Variants in TOB1 observed in about 807,000 individuals in gnomAD.
The protein encoded by TOB1 is protein Tob1.
Under a neutral mutation model 22.9 loss-of-function variants are expected in TOB1, and 2 were observed. The ratio of observed to expected loss-of-function variants is 0.09; its 90% CI spans 0.04 to 0.28. The LOEUF is 0.28. Among genes scored for constraint, TOB1 ranks in the 10% least tolerant of loss-of-function variants. The probability of loss-of-function intolerance (pLI) is 1.00; values close to 1 mark genes in which losing one functional copy is unlikely to be tolerated. For synonymous variants in TOB1, 154 were observed against 150.6 expected (o/e 1.02, Z -0.17); for missense variants, 299 against 420.5 (o/e 0.71, Z 2.53).
intron 1 of TOB1, among the ~76,000 whole-genome samples, chr17:50,865,343 C>G (rs963272864): frequency 2.0e-5 from 3 of 152,200 alleles, no homozygotes; most frequent in East Asian, 1.9e-4. Context: ...GAGCGAAATT[C>G]AGGCTCGGTG....
Position 50,862,673 on chromosome 17 carries a change from TAGAAA to T in TOB1, c.*302_*306del. The T allele has an allele frequency of 4.2e-6, 1 of 237,830 alleles. No homozygotes were observed. The highest frequency in any genetic ancestry group is 5.3e-5 in the Admixed American group (1 of 18,926). 14.7% of individuals were successfully genotyped at this position (237,830 alleles called of 1,614,324 possible). ...TTTGTACTAAATTAAATTATACAAT[TAGAAA>T]AGACCAATAAACCCACTTATTAGTG... is the stretch of plus-strand genomic sequence containing the variant. On this transcript the variant is annotated 3_prime_UTR_variant, in exon 2 of 2. Transcript: ENST00000499247.
At chr17:50,864,283 G>T in intron 1 of TOB1, 120 bp from the exon 2 acceptor site, 1 of 425,114 alleles carries the variant, frequency 2.4e-6, no homozygotes, top group Non-Finnish European at 3.5e-6. Flanking sequence ...GTCTGCTAAG[G>T]ATAAAAAGAA....
At chr17:50,867,869 GCCGTACATGCCAGGCC>G (rs1972339407), upstream of TOB1, 1 of 152,190 alleles carries the variant, frequency 6.6e-6, no homozygotes, top group Admixed American at 6.5e-5. Flanking sequence ...GCACAAACCC[GCCGTACATGCCAGGCC>G]TAGAAGCTTT....
At position 50,862,973 on chromosome 17, in the gene TOB1, CTTTTTT is replaced by C. The variant is rs747184039; in HGVS notation, c.*1_*6del. 6.3e-7 allele frequency: 1 copy of C among 1,590,996 alleles called. No homozygotes were observed. Among genetic ancestry groups the C allele is most frequent in the Admixed American group, 1.8e-5 (1 of 55,612 alleles). ...CATTTTAACTTGTACGATACATTTTCTTTTTTTTAGTTAGCCATAACAGGCTGGAAT... is the reference window on the plus strand; with the variant it reads ...CATTTTAACTTGTACGATACATTTTCTTAGTTAGCCATAACAGGCTGGAAT... On this transcript the variant is annotated 3_prime_UTR_variant, in exon 2 of 2. Coordinates refer to ENST00000499247, the MANE Select transcript of TOB1 (RefSeq NM_005749.4).
chr17:50,865,789 C>G (rs1047210126), intron 1 of TOB1, among the ~76,000 whole-genome samples: 1 of 152,044 alleles, frequency 6.6e-6, no homozygotes. Flanking sequence ...GTCGCTCCTC[C>G]GGGCACCCCA....
Position 50,862,869 on chromosome 17 carries a change from G to T in TOB1, c.*111C>A. ...GTTTTATTATTATTTTTTTAACCAAGCTTGAATGTATCCTTACTATAAGCT... is the reference window on the plus strand; with the variant it reads ...GTTTTATTATTATTTTTTTAACCAATCTTGAATGTATCCTTACTATAAGCT... On this transcript the variant is annotated 3_prime_UTR_variant, in exon 2 of 2. Transcript: ENST00000499247. The T allele has an allele frequency of 7.3e-7, 1 of 1,365,664 alleles. No homozygotes were observed. The highest frequency in any genetic ancestry group is 9.6e-7 in the Non-Finnish European group (1 of 1,037,056). The allele number at this position is 1,365,664 out of a possible 1,614,324, so 84.6% of individuals were successfully genotyped here.
At chr17:50,866,972 G>C (rs1211881458), upstream of TOB1, 1 of 152,266 alleles carries the variant, frequency 6.6e-6, no homozygotes, top group African/African-American at 2.4e-5. Flanking sequence ...CCGATTAATT[G>C]AATATTAATC....
Position 50,863,318 on chromosome 17 carries a change from A to C in TOB1, c.700T>G (p.Leu234Val). 6.2e-7 allele frequency: 1 copy of C among 1,614,160 alleles called. No individual in the cohort carries two copies. Among genetic ancestry groups the C allele is most frequent in the South Asian group, 1.1e-5 (1 of 91,078 alleles). Reference sequence around the variant, plus strand: ...TGCTGTGGCTGCTGCTGGCTACCCAAGCCAAGCCCATACAGAGAGTGCATT... The same window carrying C: ...TGCTGTGGCTGCTGCTGGCTACCCACGCCAAGCCCATACAGAGAGTGCATT... ...SSMHSLYGLG[L>V]GSQQQPQQQQ... The change falls in exon 2 of 2, where the codon TTG becomes GTG. Residue 234 changes from leucine to valine, a missense_variant. By Grantham distance (32) the Leu-to-Val change is conservative. Transcript: ENST00000499247.
At chr17:50,867,942 G>C (rs888675933), upstream of TOB1, 1 of 152,142 alleles carries the variant, frequency 6.6e-6, no homozygotes, top group Non-Finnish European at 1.5e-5. Context: ...TCTCCACCCT[G>C]ACTCTCCCGC....
rs1972230664 is a variant in TOB1 at position 50,862,641 on chromosome 17, TAC to T, written c.*337_*338del. ...AATATATATATATCCTCTGATATTT[TAC>T]AAACTTTGTACTAAATTAAATTATA... On this transcript the variant is annotated 3_prime_UTR_variant, in exon 2 of 2. Coordinates refer to ENST00000499247, the MANE Select transcript of TOB1 (RefSeq NM_005749.4). 2 of 190,700 alleles carry T rather than the reference TAC, an allele frequency of 1.0e-5. No individual in the cohort carries two copies. The highest frequency in any genetic ancestry group is 2.1e-5 in the Non-Finnish European group (2 of 93,942). The allele number at this position is 190,700 out of a possible 1,614,324, so 11.8% of individuals were successfully genotyped here. A position where few individuals can be genotyped will look rare whatever the true frequency, so the allele number is the denominator to read the frequency against.
chr17:50,862,899 A>T lies in TOB1; in HGVS notation c.*81T>A. The T allele has an allele frequency of 6.8e-7, 1 of 1,481,286 alleles. No homozygotes were observed. The allele number at this position is 1,481,286 out of a possible 1,614,324, so 91.8% of individuals were successfully genotyped here. A position where few individuals can be genotyped will look rare whatever the true frequency, so the allele number is the denominator to read the frequency against. ...AATGTATCCTTACTATAAGCTTAAA[A>T]AAAAAAATTCTCAAGGAGGTGAAAA... is the stretch of plus-strand genomic sequence containing the variant. On this transcript the variant is annotated 3_prime_UTR_variant, in exon 2 of 2. Transcript: ENST00000499247.
At chr17:50,867,938 C>T (rs894027734), upstream of TOB1, 3 of 152,212 alleles carry the variant, frequency 2.0e-5, no homozygotes, top group Non-Finnish European at 4.4e-5. Flanking sequence ...GCCTTCTCCA[C>T]CCTGACTCTC....
rs747797954 is a variant in TOB1 at position 50,863,839 on chromosome 17, A to G, written c.179T>C (p.Ile60Thr). The change falls in exon 2 of 2, where the codon ATA becomes ACA. Residue 60 changes from isoleucine to threonine, a missense_variant. Physicochemically the swap from Ile to Thr is moderately conservative, Grantham distance 89. Transcript: ENST00000499247. ...AATCACTGGGTCCACTTTCTCCCCT[A>G]TGTGTATACATCTAAACCCCGATCC... ...YKGSGFRCIH[I>T]GEKVDPVIEQ... 4 of 1,614,046 alleles carry G rather than the reference A, an allele frequency of 2.5e-6. No individual in the cohort carries two copies. Among genetic ancestry groups the G allele is most frequent in the South Asian group, 2.2e-5 (2 of 91,068 alleles).
Position 50,866,332 on chromosome 17 carries a change from C to T in TOB1, c.-421G>A, listed in dbSNP as rs1198754288. On this transcript the variant is annotated 5_prime_UTR_variant, in exon 1 of 2. Transcript: ENST00000499247. Reference sequence around the variant, plus strand: ...TCCCCGTAGTGCGCCCGCTACACGCCGGGCCAGAGCTTCGCTCCTTCTGCC... The same window carrying T: ...TCCCCGTAGTGCGCCCGCTACACGCTGGGCCAGAGCTTCGCTCCTTCTGCC... The T allele has an allele frequency of 3.9e-5, 6 of 152,308 alleles. No individual in the cohort carries two copies. Among genetic ancestry groups the T allele is most frequent in the Non-Finnish European group, 8.8e-5 (6 of 68,128 alleles). The allele number at this position is 152,308 out of a possible 1,614,324, so 9.4% of individuals were successfully genotyped here. A position where few individuals can be genotyped will look rare whatever the true frequency, so the allele number is the denominator to read the frequency against.
At position 50,863,022 on chromosome 17, in the gene TOB1, C is replaced by A. The variant is rs1204128827; in HGVS notation, c.996G>T (p.Met332Ile). 2 of 1,613,824 alleles carry A rather than the reference C, an allele frequency of 1.2e-6. No individual in the cohort carries two copies. The highest frequency in any genetic ancestry group is 2.2e-5 in the South Asian group (2 of 91,046). The change falls in exon 2 of 2, where the codon ATG becomes ATT. Residue 332 changes from methionine to isoleucine, a missense_variant. By Grantham distance (10) the Met-to-Ile change is conservative. Transcript: ENST00000499247. ...GCTGGAATTGCTGGTTAGAATACTGCATGTTATTTAAGCTAAAATTCAAGC... is the reference window on the plus strand; with the variant it reads ...GCTGGAATTGCTGGTTAGAATACTGAATGTTATTTAAGCTAAAATTCAAGC... ...VDGLNFSLNN[M>I]QYSNQQFQPV...
chr17:50,867,385 C>T (rs1047101642), upstream of TOB1: 3 of 152,230 alleles, frequency 2.0e-5, no homozygotes, highest in South Asian at 2.1e-4. Flanking sequence ...GAGAGGGACT[C>T]GTGGTGGGGG....
rs1411884339 is a variant in TOB1, at chr17:50,863,371, A to T, written c.647T>A (p.Leu216His). Residue 216 changes from leucine (L) to histidine (H), a missense_variant, in exon 2 of 2, where the codon CTC becomes CAC. By Grantham distance (99) the Leu-to-His change is moderately conservative. Coordinates refer to ENST00000499247, the MANE Select transcript of TOB1 (RefSeq NM_005749.4). ...PINLGLNVND[L>H]LKQKAISSSM... ...GGAAGAGATGGCTTTCTGCTTCAAG[A>T]GGTCATTCACATTCAAGCCGAGGTT... 6.2e-7 allele frequency: 1 copy of T among 1,614,078 alleles called. No homozygotes were observed.
Position 50,863,783 on chromosome 17 carries a change from T to C in TOB1, c.235A>G (p.Ile79Val), listed in dbSNP as rs764523809. The part of the protein sequence containing the change: ...EQASKESGLD[I>V]DDVRGNLPQD... ...GGCAGATTGCCACGAACATCATCAA[T>C]GTCCAAACCACTCTCTTTGGATGCT... Residue 79 changes from isoleucine to valine, a missense_variant, in exon 2 of 2, where the codon ATT (isoleucine) becomes GTT (valine). By Grantham distance (29) the Ile-to-Val change is conservative (BLOSUM62 3). Transcript: ENST00000499247. 3.7e-6 allele frequency: 6 copies of C among 1,613,956 alleles called. No individual in the cohort carries two copies. In the African/African-American group the frequency reaches 5.3e-5, roughly 14 times the overall value.
At chr17:50,864,638 A>G (rs1410987365) in intron 1 of TOB1, among the ~76,000 whole-genome samples, 1 of 152,204 alleles carries the variant, frequency 6.6e-6, no homozygotes, top group African/African-American at 2.4e-5. Context: ...TACTGTTTAA[A>G]TCTGCTCTGT....
Sources: gnomAD v4.1 joint callset for allele counts (sites outside exome capture counted in the v4.1 genomes callset) on GRCh38, gnomAD v4.1.1 for gene constraint, MANE v1.5 for transcripts, NCBI Gene and HGNC (gene_info 2026-07-23, HGNC 2026-07-21) for gene names.